The following LMBR1 variants were observed in gnomAD, a reference collection of about 807,000 sequenced individuals.
The protein encoded by LMBR1 is limb region 1 protein homolog.
LMBR1 carries 52 observed loss-of-function variants against 73.9 expected under a neutral mutation model. The ratio of observed to expected loss-of-function variants is 0.70; its 90% CI spans 0.56 to 0.89. LMBR1 has a LOEUF of 0.89. Ranked by LOEUF, LMBR1 falls within the 40% of genes least tolerant of loss-of-function variation. The pLI, the probability that LMBR1 is intolerant of heterozygous loss-of-function variation, is 0.00. For missense variants in LMBR1, 539 were observed against 579.8 expected (o/e 0.93, Z 0.72); for synonymous variants, 215 against 209.4 (o/e 1.03, Z -0.23).
intron 9 of LMBR1, among the ~76,000 whole-genome samples, chr7:156,755,821 G>A (rs1273084589): frequency 1.3e-5 from 2 of 152,144 alleles, no homozygotes; most frequent in Non-Finnish European, 1.5e-5. Flanking sequence ...CATTTTTGGG[G>A]TGATGATTTA....
intron 5 of LMBR1, among the ~76,000 whole-genome samples, chr7:156,779,125 T>C (rs1826663383): frequency 1.3e-5 from 2 of 152,200 alleles, no homozygotes; most frequent in Admixed American, 1.3e-4. Flanking sequence ...TATTTATTAA[T>C]CAATAACTGT....
At chr7:156,692,664 G>A (rs956558016) in intron 15 of LMBR1, among the ~76,000 whole-genome samples, 5 of 152,150 alleles carry the variant, frequency 3.3e-5, no homozygotes, top group Non-Finnish European at 5.9e-5. Context: ...GCAGTGTAGA[G>A]AGAAGAGCTG....
chr7:156,837,949 G>A (rs2133935640), intron 1 of LMBR1, among the ~76,000 whole-genome samples: 1 of 152,082 alleles, frequency 6.6e-6, no homozygotes, highest in African/African-American at 2.4e-5. Flanking sequence ...ACCATGCCTG[G>A]CTAATTCTTG....
chr7:156,851,311 T>A (rs1006164314), intron 1 of LMBR1, among the ~76,000 whole-genome samples: 1 of 152,154 alleles, frequency 6.6e-6, no homozygotes, highest in Non-Finnish European at 1.5e-5. Flanking sequence ...CTTCTCATAG[T>A]TGCTAAACTG....
chr7:156,853,472 A>G (rs1660677754), intron 1 of LMBR1, among the ~76,000 whole-genome samples: 1 of 152,178 alleles, frequency 6.6e-6, no homozygotes, highest in Non-Finnish European at 1.5e-5. Context: ...AAACATTTAC[A>G]CTAATTTTTG....
chr7:156,760,326 G>A (rs574479096), intron 8 of LMBR1, among the ~76,000 whole-genome samples: 39 of 152,240 alleles, frequency 2.6e-4, no homozygotes, highest in Admixed American at 1.4e-3. Context: ...AAGTAGTTTC[G>A]TTTTATATAC....
At chr7:156,890,922 G>A (rs925702522) in intron 1 of LMBR1, among the ~76,000 whole-genome samples, 1 of 152,086 alleles carries the variant, frequency 6.6e-6, no homozygotes, top group Admixed American at 6.6e-5. Context: ...CCGGCGTGGT[G>A]GCTCATGCCT....
intron 10 of LMBR1, among the ~76,000 whole-genome samples, chr7:156,729,545 C>T: frequency 6.7e-6 from 1 of 149,950 alleles, no homozygotes; most frequent in East Asian, 2.0e-4. Flanking sequence ...ACAATCTCGG[C>T]TCACTGCAAC....
At chr7:156,824,090 AAAAAAC>A (rs1329947259) in intron 4 of LMBR1, among the ~76,000 whole-genome samples, 1 of 123,836 alleles carries the variant, frequency 8.1e-6, no homozygotes, top group Non-Finnish European at 1.7e-5. Flanking sequence ...ACTCCATCTC[AAAAAAC>A]AACAACAACA....
intron 1 of LMBR1, among the ~76,000 whole-genome samples, chr7:156,839,878 G>C (rs1347946573): frequency 1.3e-5 from 2 of 152,176 alleles, no homozygotes; most frequent in Non-Finnish European, 2.9e-5. Context: ...AAAATTATCT[G>C]GAGTGTAGAA....
At chr7:156,735,243 A>G (rs1210896313) in intron 9 of LMBR1, among the ~76,000 whole-genome samples, 1 of 152,178 alleles carries the variant, frequency 6.6e-6, no homozygotes, top group Non-Finnish European at 1.5e-5. Flanking sequence ...CATTTCTATC[A>G]ATAGCTTTGA....
chr7:156,674,385 C>A (rs973977029), downstream of LMBR1, among the ~76,000 whole-genome samples: 1 of 152,242 alleles, frequency 6.6e-6, no homozygotes, highest in Non-Finnish European at 1.5e-5. Context: ...CAGCTCTGTA[C>A]TTGAAAGGAC....
At position 156,680,379 on chromosome 7, in the gene LMBR1, A is replaced by ATT. The variant is rs1339985276; in HGVS notation, c.*3698_*3699insAA. 7.3e-6 allele frequency: 1 copy of ATT among 136,236 alleles called. No homozygotes were observed. Among genetic ancestry groups the ATT allele is most frequent in the African/African-American group, 2.9e-5 (1 of 34,540 alleles). 8.4% of individuals were successfully genotyped at this position (136,236 alleles called of 1,614,324 possible). On this transcript the variant is annotated 3_prime_UTR_variant, in exon 17 of 17. Coordinates refer to ENST00000353442, the MANE Select transcript of LMBR1 (RefSeq NM_022458.4). The stretch of plus-strand genomic sequence containing the variant: ...TTGCTTATACGTATCTGAGAGACAG[A>ATT]GAGAGAGAGAGAGAGAGAGAGAGAG...
At chr7:156,725,384 C>G in intron 14 of LMBR1, 51 bp downstream of exon 14, 1 of 1,052,580 alleles carries the variant, frequency 9.5e-7, no homozygotes. Flanking sequence ...ATAAAGCAGT[C>G]TGTCAGGGAA....
At chr7:156,874,483 T>C (rs1034751470) in intron 1 of LMBR1, among the ~76,000 whole-genome samples, 1 of 152,092 alleles carries the variant, frequency 6.6e-6, no homozygotes, top group African/African-American at 2.4e-5. Flanking sequence ...GCTCCTCAAA[T>C]GCCACCAAAG....
chr7:156,836,741 ATATATC>A, intron 2 of LMBR1, 66 bp downstream of exon 2: 2 of 949,960 alleles, frequency 2.1e-6, no homozygotes, highest in South Asian at 3.2e-5. Context: ...AAGTGTACTA[ATATATC>A]TTATATACCA....
chr7:156,687,924 G>A (rs1806318172), intron 16 of LMBR1, 106 bp downstream of exon 16: 1 of 1,091,942 alleles, frequency 9.2e-7, no homozygotes, highest in Admixed American at 2.8e-5. Context: ...TGACCTCTAA[G>A]GTTTTACAAA....
chr7:156,724,611 C>A (rs1228377402), intron 14 of LMBR1, among the ~76,000 whole-genome samples: 1 of 152,038 alleles, frequency 6.6e-6, no homozygotes, highest in African/African-American at 2.4e-5. Flanking sequence ...TTAAAAAGCA[C>A]CAGAAATCCA....
intron 4 of LMBR1, among the ~76,000 whole-genome samples, chr7:156,803,585 C>T (rs1042231401): frequency 7.2e-5 from 11 of 152,226 alleles, no homozygotes; most frequent in African/African-American, 2.2e-4. Context: ...GTCAGTGTGG[C>T]GATTCCTCAA....
Sources: allele counts gnomAD v4.1 joint callset (sites outside exome capture counted in the v4.1 genomes callset), GRCh38; gene constraint gnomAD v4.1.1; transcripts MANE v1.5; gene names NCBI Gene and HGNC (gene_info 2026-07-23, HGNC 2026-07-21).